ERCC6L2: variants seen among roughly 807,000 people sequenced by gnomAD.
The protein encoded by ERCC6L2 is DNA excision repair protein ERCC-6-like 2.
A neutral mutation model predicts 132.0 loss-of-function variants in ERCC6L2; 77 were observed. That is an observed-to-expected ratio of 0.58 (90% CI 0.49 to 0.71). ERCC6L2 has a LOEUF of 0.71. ERCC6L2 is among the 30% of genes least tolerant of loss of function. The probability of loss-of-function intolerance (pLI) is 0.00; values close to 1 mark genes in which losing one functional copy is unlikely to be tolerated. For missense variants in ERCC6L2, 1,542 were observed against 1,837.6 expected (o/e 0.84, Z 2.94); for synonymous variants, 583 against 632.4 (o/e 0.92, Z 1.17).
At chr9:96,034,153 A>C (rs1241642118) in intron 19 of ERCC6L2, among the ~76,000 whole-genome samples, 2 of 152,190 alleles carry the variant, frequency 1.3e-5, no homozygotes, top group African/African-American at 4.8e-5. Flanking sequence ...CTGTGCTCCC[A>C]TCTCAGTGCT....
At chr9:96,032,234 C>T (rs1041044492) in intron 19 of ERCC6L2, among the ~76,000 whole-genome samples, 1 of 152,096 alleles carries the variant, frequency 6.6e-6, no homozygotes, top group African/African-American at 2.4e-5. Context: ...GACCCCAGAT[C>T]TGAAAAGCCA....
intron 14 of ERCC6L2, chr9:95,966,917 A>C: frequency 2.6e-6 from 1 of 380,054 alleles, no homozygotes; most frequent in Admixed American, 4.4e-5. Flanking sequence ...ATAATTACAA[A>C]TAATGCACAC....
intron 11 of ERCC6L2, among the ~76,000 whole-genome samples, chr9:95,935,990 G>T (rs1174721773): frequency 6.6e-6 from 1 of 152,102 alleles, no homozygotes; most frequent in Non-Finnish European, 1.5e-5. Flanking sequence ...GTGAGAATGG[G>T]CATGGGTGTA....
chr9:95,928,207 G>T (rs1339210804), intron 10 of ERCC6L2, 57 bp downstream of exon 10: 3 of 1,235,116 alleles, frequency 2.4e-6, no homozygotes, highest in East Asian at 2.3e-5. Flanking sequence ...GAGGCATAAA[G>T]AATAAAGCAT....
chr9:95,900,493 A>C (rs1467307310), intron 3 of ERCC6L2, among the ~76,000 whole-genome samples: 1 of 152,026 alleles, frequency 6.6e-6, no homozygotes, highest in African/African-American at 2.4e-5. Context: ...CCTAATTTTT[A>C]TTCTCTTTTA....
At chr9:95,996,900 C>G (rs572870127) in intron 17 of ERCC6L2, among the ~76,000 whole-genome samples, 2 of 152,178 alleles carry the variant, frequency 1.3e-5, no homozygotes, top group Admixed American at 6.5e-5. Context: ...ATTCTGCAGC[C>G]CGTAGATCAA....
At chr9:95,888,825 C>G (rs1483547170) in intron 2 of ERCC6L2, among the ~76,000 whole-genome samples, 1 of 152,168 alleles carries the variant, frequency 6.6e-6, no homozygotes, top group South Asian at 2.1e-4. Flanking sequence ...CACATTCTCC[C>G]TTCCCTAACT....
chr9:95,879,816 G>C (rs1827493838), intron 1 of ERCC6L2, among the ~76,000 whole-genome samples: 1 of 152,212 alleles, frequency 6.6e-6, no homozygotes, highest in Admixed American at 6.5e-5. Context: ...TCATCAGGAA[G>C]ACCCTAGGAA....
At chr9:95,943,200 T>G (rs182970205) in intron 12 of ERCC6L2, among the ~76,000 whole-genome samples, 1 of 152,220 alleles carries the variant, frequency 6.6e-6, no homozygotes, top group East Asian at 1.9e-4. Flanking sequence ...TATGAAGGGA[T>G]GGTATGAAAA....
intron 11 of ERCC6L2, among the ~76,000 whole-genome samples, chr9:95,940,181 A>G (rs1341221526): frequency 6.6e-6 from 1 of 152,178 alleles, no homozygotes; most frequent in Non-Finnish European, 1.5e-5. Flanking sequence ...GTAGAAGTCT[A>G]GCATCCTCAT....
intron 13 of ERCC6L2, among the ~76,000 whole-genome samples, chr9:95,966,226 A>G (rs938481011): frequency 1.3e-5 from 2 of 152,178 alleles, no homozygotes; most frequent in African/African-American, 4.8e-5. Flanking sequence ...TGCTATTGTA[A>G]TAAGAGTTTT....
intron 3 of ERCC6L2, among the ~76,000 whole-genome samples, chr9:95,899,109 T>A (rs1828620785): frequency 6.6e-6 from 1 of 152,180 alleles, no homozygotes; most frequent in Non-Finnish European, 1.5e-5. Flanking sequence ...GAAGGAAAAG[T>A]AATATTTTAA....
rs752894983 is a variant in ERCC6L2 at position 95,915,650 on chromosome 9, T to G, written c.789-18T>G. ...GGAAGTTTTCTCAACCTCACCCTTC[T>G]TTTTTCTTACTTTATAGTTTGGAAT... On this transcript the variant is annotated intron_variant, in intron 4 of 18. Coordinates refer to ENST00000653738, the MANE Select transcript of ERCC6L2 (RefSeq NM_020207.7). The G allele has an allele frequency of 6.3e-7, 1 of 1,590,508 alleles. No homozygotes were observed. The highest frequency in any genetic ancestry group is 1.4e-5 in the African/African-American group (1 of 73,644).
chr9:95,977,205 CTG>C (rs763854675), intron 16 of ERCC6L2, among the ~76,000 whole-genome samples: 8 of 152,144 alleles, frequency 5.3e-5, no homozygotes, highest in Non-Finnish European at 1.2e-4. Flanking sequence ...GGTTTTGAAA[CTG>C]TGTGCCATGT....
At chr9:95,883,554 A>G (rs957696455) in intron 2 of ERCC6L2, among the ~76,000 whole-genome samples, 2 of 152,222 alleles carry the variant, frequency 1.3e-5, no homozygotes, top group Admixed American at 1.3e-4. Flanking sequence ...TAGCCAGTGC[A>G]TGTTCAACTT....
chr9:95,883,643 G>A (rs1244375986), intron 2 of ERCC6L2, among the ~76,000 whole-genome samples: 1 of 152,114 alleles, frequency 6.6e-6, no homozygotes, highest in African/African-American at 2.4e-5. Flanking sequence ...GGCGGATCAC[G>A]AGGTCAAGAG....
chr9:95,918,972 G>T (rs987241821), intron 6 of ERCC6L2, among the ~76,000 whole-genome samples: 1 of 151,940 alleles, frequency 6.6e-6, no homozygotes. Context: ...GGGTTCAAGC[G>T]ATTATTCTGC....
intron 3 of ERCC6L2, 93 bp from the exon 4 acceptor site, chr9:95,906,981 TAAGG>T: frequency 1.3e-6 from 1 of 790,268 alleles, no homozygotes; most frequent in Non-Finnish European, 2.1e-6. Context: ...ATGTCAAAAT[TAAGG>T]AAGAGGACTA....
In ERCC6L2 at chr9:95,916,560, A is replaced by T. The variant is rs906812784; in HGVS notation, c.1158+126A>T. 6 of 702,506 alleles carry T rather than the reference A, an allele frequency of 8.5e-6. No homozygotes were observed. The African/African-American group carries it at 1.1e-4, about 13-fold the overall frequency. 43.5% of individuals were successfully genotyped at this position (702,506 alleles called of 1,614,324 possible). A position where few individuals can be genotyped will look rare whatever the true frequency, so the allele number is the denominator to read the frequency against. On this transcript the variant is annotated intron_variant, in intron 6 of 18. Transcript: ENST00000653738. ...TTTGCCTTTTATTCTGTATGGAAAAAATTGTTGCGCGCAGAATTTCAGAAA... is the reference window on the plus strand; with the variant it reads ...TTTGCCTTTTATTCTGTATGGAAAATATTGTTGCGCGCAGAATTTCAGAAA...
Sources: allele counts gnomAD v4.1 joint callset (sites outside exome capture counted in the v4.1 genomes callset), GRCh38; gene constraint gnomAD v4.1.1; transcripts MANE v1.5; gene names NCBI Gene and HGNC (gene_info 2026-07-23, HGNC 2026-07-21).